The following PRKN variants were observed in gnomAD, a reference collection of about 807,000 sequenced individuals.
PRKN encodes the protein parkin RBR E3 ubiquitin protein ligase.
A neutral mutation model predicts 59.5 loss-of-function variants in PRKN; 56 were observed. The observed-to-expected ratio is 0.94, with a 90% confidence interval of 0.76 to 1.18. PRKN has a LOEUF of 1.18. Ranked by LOEUF, PRKN falls within the 50% of genes most tolerant of loss-of-function variation. The pLI, the probability that PRKN is intolerant of heterozygous loss-of-function variation, is 0.00. For synonymous variants in PRKN, 250 were observed against 222.1 expected (o/e 1.13, Z -1.12); for missense variants, 657 against 596.4 (o/e 1.10, Z -1.06).
intron 6 of PRKN, among the ~76,000 whole-genome samples, chr6:161,789,563 A>G (rs1046790526): frequency 5.9e-5 from 9 of 152,290 alleles, no homozygotes; most frequent in African/African-American, 1.4e-4. Context: ...ATCTCCAAGG[A>G]ACTTTCTCTG....
At chr6:161,949,988 T>C (rs913549608) in intron 6 of PRKN, among the ~76,000 whole-genome samples, 7 of 152,164 alleles carry the variant, frequency 4.6e-5, no homozygotes, top group African/African-American at 1.7e-4. Context: ...AGGTGGGAGA[T>C]TGGGAAACAG....
intron 5 of PRKN, among the ~76,000 whole-genome samples, chr6:162,013,147 G>A (rs997827728): frequency 7.9e-5 from 12 of 152,128 alleles, no homozygotes; most frequent in Admixed American, 2.6e-4. Context: ...TTACAGAGAG[G>A]AAGAGACTTC....
chr6:161,722,665 T>C (rs1787274527), intron 7 of PRKN, among the ~76,000 whole-genome samples: 1 of 152,252 alleles, frequency 6.6e-6, no homozygotes, highest in Non-Finnish European at 1.5e-5. Context: ...TGTGATTCCA[T>C]GAATCCAGGG....
chr6:162,095,942 C>CA (rs1255753707), intron 4 of PRKN, among the ~76,000 whole-genome samples: 7 of 152,188 alleles, frequency 4.6e-5, no homozygotes. Flanking sequence ...CACACACCCA[C>CA]AGTGCCTAAC....
chr6:162,430,167 CGACGACGAT>C (rs1271341715), intron 2 of PRKN, among the ~76,000 whole-genome samples: 3 of 130,258 alleles, frequency 2.3e-5, no homozygotes, highest in African/African-American at 1.2e-4. Context: ...ATGACGACGA[CGACGACGAT>C]GATGATGATG....
intron 6 of PRKN, among the ~76,000 whole-genome samples, chr6:161,797,513 C>T (rs543955483): frequency 6.6e-6 from 1 of 152,318 alleles, no homozygotes; most frequent in African/African-American, 2.4e-5. Flanking sequence ...GATCCACCTG[C>T]CTCAGCCTCC....
intron 6 of PRKN, among the ~76,000 whole-genome samples, chr6:161,946,167 C>T (rs1274556699): frequency 3.3e-5 from 5 of 151,960 alleles, no homozygotes; most frequent in East Asian, 1.9e-4. Context: ...GCAGAATATG[C>T]TTAGTATTTC....
chr6:162,545,935 C>T (rs1029080416), intron 1 of PRKN, among the ~76,000 whole-genome samples: 1 of 151,928 alleles, frequency 6.6e-6, no homozygotes, highest in African/African-American at 2.4e-5. Context: ...CAGGGTTGTT[C>T]CTAGAGGTAA....
intron 6 of PRKN, among the ~76,000 whole-genome samples, chr6:161,912,601 C>T (rs766897610): frequency 6.6e-5 from 10 of 151,956 alleles, no homozygotes; most frequent in African/African-American, 9.7e-5. Context: ...GGAGGGGCCA[C>T]GTGGAGATAG....
intron 7 of PRKN, among the ~76,000 whole-genome samples, chr6:161,688,854 A>G (rs1317851205): frequency 6.6e-6 from 1 of 152,152 alleles, no homozygotes; most frequent in Non-Finnish European, 1.5e-5. Flanking sequence ...GTGTGGCCCA[A>G]GGCTCAATAT....
chr6:162,137,536 C>T (rs752547875), intron 4 of PRKN, among the ~76,000 whole-genome samples: 14 of 152,160 alleles, frequency 9.2e-5, no homozygotes, highest in Non-Finnish European at 1.9e-4. Context: ...GCTGCTATAA[C>T]AGAACTCCTG....
intron 4 of PRKN, among the ~76,000 whole-genome samples, chr6:162,122,275 A>G (rs1780946609): frequency 6.6e-6 from 1 of 152,092 alleles, no homozygotes. Flanking sequence ...TCTGCTACCA[A>G]CACTCCTGTG....
intron 7 of PRKN, among the ~76,000 whole-genome samples, chr6:161,606,484 T>C (rs867406319): frequency 6.6e-6 from 1 of 152,216 alleles, no homozygotes; most frequent in African/African-American, 2.4e-5. Flanking sequence ...CAAATGTGTT[T>C]AAATCTCCTA....
intron 6 of PRKN, among the ~76,000 whole-genome samples, chr6:161,918,534 G>A (rs1390624170): frequency 1.3e-5 from 2 of 152,086 alleles, no homozygotes; most frequent in African/African-American, 2.4e-5. Flanking sequence ...TTCAGAAGTC[G>A]GATTTAGAAT....
chr6:161,659,338 C>T (rs1784463379), intron 7 of PRKN, among the ~76,000 whole-genome samples: 1 of 152,126 alleles, frequency 6.6e-6, no homozygotes, highest in South Asian at 2.1e-4. Flanking sequence ...TTTGAGGACT[C>T]ATTTGAGCCT....
chr6:162,336,443 C>T (rs753641229), intron 2 of PRKN, among the ~76,000 whole-genome samples: 1 of 152,102 alleles, frequency 6.6e-6, no homozygotes, highest in African/African-American at 2.4e-5. Flanking sequence ...CACACATCTG[C>T]GGCACATGAC....
chr6:161,716,716 G>A (rs73783356), intron 7 of PRKN, among the ~76,000 whole-genome samples: 10,842 of 152,224 alleles, frequency 0.071, 666 homozygotes, highest in African/African-American at 0.17. Flanking sequence ...GACCAACAAT[G>A]GTGAAACAAA....
rs183789877 is a variant in PRKN, at chr6:162,484,753, T to C, written c.8-41280A>G. ...TCCTGGTCATTGTGATGTATAACACTGTGACTATCTGTTCATCATGTTTGC... is the reference window on the plus strand; with the variant it reads ...TCCTGGTCATTGTGATGTATAACACCGTGACTATCTGTTCATCATGTTTGC... On this transcript the variant is annotated intron_variant, in intron 1 of 11. Transcript: ENST00000366898. 4.8e-3 allele frequency among the ~76,000 whole-genome samples: 731 copies of C among 152,338 alleles called. 1 individual carries two copies. Among genetic ancestry groups the C allele is most frequent in the Admixed American group, 7.3e-3 (112 of 15,298 alleles).
chr6:161,537,517 T>G (rs1779456890), intron 9 of PRKN, among the ~76,000 whole-genome samples: 1 of 151,934 alleles, frequency 6.6e-6, no homozygotes, highest in South Asian at 2.1e-4. Context: ...AGTGGCGTGA[T>G]CTCGGCTCAC....
Sources: allele counts gnomAD v4.1 joint callset (sites outside exome capture counted in the v4.1 genomes callset), GRCh38; gene constraint gnomAD v4.1.1; transcripts MANE v1.5; gene names NCBI Gene and HGNC (gene_info 2026-07-23, HGNC 2026-07-21).